The following NKAIN3 variants were observed in gnomAD, a reference collection of about 807,000 sequenced individuals.
NKAIN3 encodes sodium/potassium-transporting ATPase subunit beta-1-interacting protein 3.
NKAIN3 carries 25 observed loss-of-function variants against 30.2 expected under a neutral mutation model. The observed-to-expected ratio is 0.83, with a 90% CI of 0.60 to 1.16. NKAIN3 has a LOEUF of 1.16. NKAIN3 is among the 50% of genes most tolerant of loss of function. NKAIN3 has a pLI of 0.00. For missense variants in NKAIN3, 225 were observed against 254.1 expected, an observed-to-expected ratio of 0.89 and a Z score of 0.78; for synonymous variants, 91 against 89.6, an observed-to-expected ratio of 1.02 and a Z score of -0.09.
chr8:62,437,155 A>ATT (rs35199976), intron 1 of NKAIN3, among the ~76,000 whole-genome samples: 13 of 151,666 alleles, frequency 8.6e-5, no homozygotes, highest in South Asian at 2.1e-4. Context: ...GGTAGAATAG[A>ATT]TTTTTTTTGA....
intron 4 of NKAIN3, among the ~76,000 whole-genome samples, chr8:62,881,271 C>T (rs1241843284): frequency 2.0e-5 from 3 of 152,146 alleles, no homozygotes; most frequent in Non-Finnish European, 4.4e-5. Flanking sequence ...TAAAAAATCC[C>T]CTGTCTTCCA....
chr8:62,407,141 G>A (rs1361738031), intron 1 of NKAIN3, among the ~76,000 whole-genome samples: 1 of 151,630 alleles, frequency 6.6e-6, no homozygotes, highest in Non-Finnish European at 1.5e-5. Flanking sequence ...GGAGAAAAAA[G>A]AAAGTAGGTA....
At chr8:62,270,415 C>T (rs1371338350) in intron 1 of NKAIN3, among the ~76,000 whole-genome samples, 1 of 151,806 alleles carries the variant, frequency 6.6e-6, no homozygotes, top group Non-Finnish European at 1.5e-5. Context: ...AGCTCATATG[C>T]AATGTGTTTT....
intron 1 of NKAIN3, among the ~76,000 whole-genome samples, chr8:62,283,182 G>A (rs1181158734): frequency 6.6e-6 from 1 of 152,170 alleles, no homozygotes; most frequent in East Asian, 1.9e-4. Context: ...AATCAGAAAC[G>A]AGTCCAGTTG....
intron 4 of NKAIN3, among the ~76,000 whole-genome samples, chr8:62,904,964 A>G (rs969023577): frequency 2.0e-5 from 3 of 152,138 alleles, no homozygotes; most frequent in African/African-American, 7.2e-5. Flanking sequence ...AGAGGACACG[A>G]TCTTTGCATC....
At chr8:62,860,784 A>G (rs1820216144) in intron 4 of NKAIN3, among the ~76,000 whole-genome samples, 1 of 152,156 alleles carries the variant, frequency 6.6e-6, no homozygotes, top group Non-Finnish European at 1.5e-5. Flanking sequence ...GTTCCTGACA[A>G]CTTGTGTTCT....
chr8:62,574,408 AG>A (rs1810042889), intron 1 of NKAIN3, among the ~76,000 whole-genome samples: 1 of 152,158 alleles, frequency 6.6e-6, no homozygotes, highest in Non-Finnish European at 1.5e-5. Flanking sequence ...TAAACCTATA[AG>A]TGAGATTGCT....
At chr8:62,594,662 T>G (rs554697293) in intron 3 of NKAIN3, among the ~76,000 whole-genome samples, 1 of 152,222 alleles carries the variant, frequency 6.6e-6, no homozygotes, top group African/African-American at 2.4e-5. Flanking sequence ...ATTTAAAGAC[T>G]TTTTTAATTC....
chr8:62,740,545 A>C (rs1815830685), intron 3 of NKAIN3, among the ~76,000 whole-genome samples: 1 of 152,146 alleles, frequency 6.6e-6, no homozygotes, highest in South Asian at 2.1e-4. Context: ...CATACCCAAA[A>C]AAAGGAGATT....
chr8:62,717,706 C>T (rs2130509169), intron 3 of NKAIN3, among the ~76,000 whole-genome samples: 1 of 151,994 alleles, frequency 6.6e-6, no homozygotes, highest in Non-Finnish European at 1.5e-5. Context: ...GAAAATAAAC[C>T]TTATGAATAG....
chr8:62,327,162 G>C (rs1815169643), intron 1 of NKAIN3, among the ~76,000 whole-genome samples: 1 of 151,948 alleles, frequency 6.6e-6, no homozygotes, highest in Admixed American at 6.6e-5. Context: ...TTTTGAAACA[G>C]ATTTTTTGTT....
At chr8:62,501,787 T>C (rs1296000146) in intron 1 of NKAIN3, among the ~76,000 whole-genome samples, 4 of 152,194 alleles carry the variant, frequency 2.6e-5, no homozygotes, top group African/African-American at 4.8e-5. Context: ...ATTTCCTGTG[T>C]ATAAGTATTC....
intron 3 of NKAIN3, among the ~76,000 whole-genome samples, chr8:62,689,178 G>C (rs1202389956): frequency 1.3e-5 from 2 of 152,106 alleles, no homozygotes; most frequent in Non-Finnish European, 2.9e-5. Context: ...GAGTTTCTAA[G>C]TTTCTCCTCA....
chr8:62,882,838 T>C (rs187025428), intron 4 of NKAIN3, among the ~76,000 whole-genome samples: 6 of 152,310 alleles, frequency 3.9e-5, no homozygotes, highest in Admixed American at 3.3e-4. Context: ...CTTTGCTCCT[T>C]TATCAAAGAT....
intron 3 of NKAIN3, among the ~76,000 whole-genome samples, chr8:62,637,764 G>A (rs531673693): frequency 6.6e-6 from 1 of 152,262 alleles, no homozygotes; most frequent in Admixed American, 6.5e-5. Flanking sequence ...GCCTGGGAGT[G>A]GGGTCCTTCT....
intron 4 of NKAIN3, among the ~76,000 whole-genome samples, chr8:62,793,740 G>A (rs1346292479): frequency 6.6e-6 from 1 of 152,130 alleles, no homozygotes; most frequent in South Asian, 2.1e-4. Context: ...GTTGATTCTC[G>A]AGGTCTAAGA....
intron 3 of NKAIN3, among the ~76,000 whole-genome samples, chr8:62,677,317 T>A (rs1463452396): frequency 1.3e-5 from 2 of 152,212 alleles, no homozygotes; most frequent in Admixed American, 1.3e-4. Context: ...GGTGAACTCT[T>A]CAGCTGGCAT....
chr8:62,789,686 C>T (rs1222805923), intron 4 of NKAIN3, among the ~76,000 whole-genome samples: 2 of 152,060 alleles, frequency 1.3e-5, no homozygotes, highest in Non-Finnish European at 2.9e-5. Flanking sequence ...ACAAACACCT[C>T]TACACAAATA....
intron 1 of NKAIN3, among the ~76,000 whole-genome samples, chr8:62,358,486 C>T (rs973563955): frequency 2.0e-5 from 3 of 151,948 alleles, no homozygotes; most frequent in East Asian, 3.9e-4. Flanking sequence ...TAAATGAGTT[C>T]CCATTTGCAT....
Sources: gnomAD v4.1 joint callset for allele counts (sites outside exome capture counted in the v4.1 genomes callset) on GRCh38, gnomAD v4.1.1 for gene constraint, MANE v1.5 for transcripts, NCBI Gene and HGNC (gene_info 2026-07-23, HGNC 2026-07-21) for gene names.